Variants in RELN observed in about 807,000 individuals in gnomAD.
RELN encodes the protein reelin.
In RELN, 108 loss-of-function variants were observed where a neutral mutation model predicts 427.6. That is an observed-to-expected ratio of 0.25 (90% CI 0.22 to 0.30). The LOEUF is 0.30. RELN is among the 10% of genes least tolerant of loss of function. RELN has a pLI of 1.00. For synonymous variants in RELN, 1,524 were observed against 1,513.4 expected (o/e 1.01, Z -0.16); for missense variants, 3,715 against 4,302.8 (o/e 0.86, Z 3.82).
intron 21 of RELN, 149 bp downstream of exon 21, chr7:103,611,460 CTT>C (rs936747825): frequency 3.2e-6 from 2 of 628,828 alleles, no homozygotes; most frequent in African/African-American, 3.7e-5. Context: ...CCTTTGCTGA[CTT>C]TATGTTAATT....
At chr7:103,779,186 A>T (rs1181627394) in intron 3 of RELN, among the ~76,000 whole-genome samples, 1 of 151,922 alleles carries the variant, frequency 6.6e-6, no homozygotes, top group African/African-American at 2.4e-5. Flanking sequence ...CAAGAGAAGG[A>T]GGGGCAACAG....
chr7:103,829,804 CA>C (rs1156963214), intron 3 of RELN, among the ~76,000 whole-genome samples: 2 of 151,978 alleles, frequency 1.3e-5, no homozygotes, highest in Non-Finnish European at 2.9e-5. Context: ...ATTATATAAT[CA>C]TCTTGAATTT....
chr7:103,987,559 C>A (rs1302451098), intron 1 of RELN, among the ~76,000 whole-genome samples: 1 of 152,174 alleles, frequency 6.6e-6, no homozygotes, highest in Non-Finnish European at 1.5e-5. Flanking sequence ...GCCTTTGAGA[C>A]CAGCCTCACT....
At chr7:103,855,688 T>TC (rs1793929112) in intron 2 of RELN, among the ~76,000 whole-genome samples, 1 of 152,144 alleles carries the variant, frequency 6.6e-6, no homozygotes, top group Non-Finnish European at 1.5e-5. Context: ...CATCAAGGTG[T>TC]CAACAGGGTT....
chr7:103,531,074 G>A (rs1829927646), intron 46 of RELN, among the ~76,000 whole-genome samples: 1 of 152,166 alleles, frequency 6.6e-6, no homozygotes, highest in Non-Finnish European at 1.5e-5. Context: ...CTGTGTTATG[G>A]TTAACAAGTG....
At chr7:103,491,844 T>TCA (rs1828667821) in intron 58 of RELN, 109 bp downstream of exon 58, 16 of 628,112 alleles carry the variant, frequency 2.5e-5, no homozygotes, top group Middle Eastern at 4.4e-4. Context: ...TCTCTCTCTC[T>TCA]CTCTCTCTCT....
intron 51 of RELN, among the ~76,000 whole-genome samples, chr7:103,503,910 A>C (rs893843794): frequency 4.6e-5 from 7 of 151,506 alleles, no homozygotes; most frequent in African/African-American, 1.2e-4. Flanking sequence ...AAAAAAAAAA[A>C]AAAAAAAACT....
chr7:103,486,536 G>C (rs922623558), intron 60 of RELN, 120 bp from the exon 61 acceptor site: 17 of 646,206 alleles, frequency 2.6e-5, no homozygotes, highest in East Asian at 3.4e-5. Flanking sequence ...AAAATACAAG[G>C]AACTTAAACA....
At chr7:103,974,485 TATTTCTAC>T (rs67044906) in intron 1 of RELN, among the ~76,000 whole-genome samples, 105,970 of 151,756 alleles carry the variant, frequency 0.7, 37,562 homozygotes, top group African/African-American at 0.82. Flanking sequence ...AGTGGAATTT[TATTTCTAC>T]ATTATCTATA....
In RELN at chr7:103,800,056, G is replaced by A. The variant is rs144473561; in HGVS notation, c.474-23429C>T. On this transcript the variant is annotated intron_variant, in intron 3 of 64. Transcript: ENST00000428762. Reference sequence around the variant, plus strand: ...TACTGAATGGGCAAAAACTGGAAGCGTTCCCTTTGAAAACTGGCACAAGAC... The same window carrying A: ...TACTGAATGGGCAAAAACTGGAAGCATTCCCTTTGAAAACTGGCACAAGAC... 4.6e-3 allele frequency among the ~76,000 whole-genome samples: 694 copies of A among 152,226 alleles called. 12 individuals are homozygous for A. Among genetic ancestry groups the A allele is most frequent in the African/African-American group, 0.016 (656 of 41,536 alleles).
Position 103,640,089 on chromosome 7 carries a change from T to C in RELN, c.2069+454A>G, listed in dbSNP as rs969940299. ...TCAAAAGTAAACAAGACGCTTAAGT[T>C]ATATTTAAAGATGATGAATTTGCTT... On this transcript the variant is annotated intron_variant, in intron 17 of 64. Transcript: ENST00000428762. The surrounding 1 kb of genome is among the most constrained non-coding windows in gnomAD (Gnocchi z 4.1). Among the ~76,000 whole-genome samples, 5 of 152,240 alleles carry C rather than the reference T, an allele frequency of 3.3e-5. No homozygotes were observed. The highest frequency in any genetic ancestry group is 7.3e-5 in the Non-Finnish European group (5 of 68,036).
chr7:103,791,059 G>T (rs1174514960), intron 3 of RELN, among the ~76,000 whole-genome samples: 1 of 151,958 alleles, frequency 6.6e-6, no homozygotes, highest in Non-Finnish European at 1.5e-5. Context: ...TCATAAACTT[G>T]CAGAAGAAGT....
chr7:103,594,203 C>A, intron 26 of RELN, 118 bp downstream of exon 26: 2 of 1,055,336 alleles, frequency 1.9e-6, no homozygotes, highest in South Asian at 2.5e-5. Flanking sequence ...TAAGTACAAG[C>A]CCTTAAACTT....
In RELN at chr7:103,483,631, C is replaced by G. The variant is rs576713610; in HGVS notation, c.10181+22G>C. On this transcript the variant is annotated intron_variant, in intron 62 of 64. Coordinates refer to ENST00000428762, the MANE Select transcript of RELN (RefSeq NM_005045.4). ...CAAAGGGATTGTGCATGAGACCATG[C>G]CTTTCCATTTGGGCCACTTACAGGG... The G allele has an allele frequency of 3.1e-6, 5 of 1,611,140 alleles. No homozygotes were observed. In the African/African-American group the frequency reaches 5.3e-5, roughly 17 times the overall value.
intron 1 of RELN, among the ~76,000 whole-genome samples, chr7:103,948,225 C>T (rs1273296277): frequency 1.3e-5 from 2 of 152,098 alleles, no homozygotes; most frequent in Non-Finnish European, 2.9e-5. Flanking sequence ...TGTTTAGATG[C>T]CTTGTACTAC....
chr7:103,772,078 A>G (rs1378670038), intron 4 of RELN, among the ~76,000 whole-genome samples: 1 of 152,206 alleles, frequency 6.6e-6, no homozygotes, highest in Non-Finnish European at 1.5e-5. Flanking sequence ...TGGTTTAGCT[A>G]TAATGAATTA....
At chr7:103,889,221 T>C (rs1378022497) in intron 2 of RELN, among the ~76,000 whole-genome samples, 1 of 152,214 alleles carries the variant, frequency 6.6e-6, no homozygotes, top group Non-Finnish European at 1.5e-5. Flanking sequence ...CTTCATGCAA[T>C]GTAAGTAAAA....
chr7:103,685,911 T>C (rs1020608354), intron 10 of RELN, among the ~76,000 whole-genome samples: 1 of 152,150 alleles, frequency 6.6e-6, no homozygotes, highest in African/African-American at 2.4e-5. Flanking sequence ...CAACTCAGGA[T>C]AGCAGTTTTC....
In RELN at chr7:103,799,178, A is replaced by C. The variant is rs140713632; in HGVS notation, c.474-22551T>G. Reference sequence around the variant, plus strand: ...GTGCCAAAATTATCTATATTAAGTAACTAATTTAGAGATTCCAATACTTTG... The same window carrying C: ...GTGCCAAAATTATCTATATTAAGTACCTAATTTAGAGATTCCAATACTTTG... On this transcript the variant is annotated intron_variant, in intron 3 of 64. Coordinates refer to ENST00000428762, the MANE Select transcript of RELN (RefSeq NM_005045.4). 2.1e-3 allele frequency among the ~76,000 whole-genome samples: 326 copies of C among 152,292 alleles called. 1 individual carries two copies. Among genetic ancestry groups the C allele is most frequent in the African/African-American group, 7.5e-3 (311 of 41,556 alleles).
Sources: allele counts gnomAD v4.1 joint callset (sites outside exome capture counted in the v4.1 genomes callset), GRCh38; gene constraint gnomAD v4.1.1; non-coding constraint Gnocchi (gnomAD v3.1); transcripts MANE v1.5; gene names NCBI Gene and HGNC (gene_info 2026-07-23, HGNC 2026-07-21).